The following ZC3H7A variants were observed in gnomAD, a reference collection of about 807,000 sequenced individuals.
ZC3H7A encodes zinc finger CCCH domain-containing protein 7A.
A neutral mutation model predicts 125.5 loss-of-function variants in ZC3H7A; 44 were observed. The ratio of observed to expected loss-of-function variants is 0.35; its 90% CI spans 0.28 to 0.45. The LOEUF (loss-of-function observed/expected upper bound fraction) is 0.45. Ranked by LOEUF, ZC3H7A falls within the 20% of genes least tolerant of loss-of-function variation. The probability of loss-of-function intolerance (pLI) is 1.00; values close to 1 mark genes in which losing one functional copy is unlikely to be tolerated. For missense variants in ZC3H7A, 977 were observed against 1,170.7 expected (o/e 0.83, Z 2.41); for synonymous variants, 399 against 391.2 (o/e 1.02, Z -0.23).
intron 9 of ZC3H7A, among the ~76,000 whole-genome samples, chr16:11,771,680 T>C (rs1045262946): frequency 2.6e-5 from 4 of 151,942 alleles, no homozygotes; most frequent in Admixed American, 6.5e-5. Context: ...TTTGTATTTT[T>C]AGTAGAGATG....
chr16:11,781,286 A>C, intron 3 of ZC3H7A, 139 bp downstream of exon 3: 1 of 676,696 alleles, frequency 1.5e-6, no homozygotes, highest in East Asian at 3.1e-5. Context: ...TTTGCAAAAA[A>C]ATAAAATAAA....
intron 19 of ZC3H7A, chr16:11,759,471 A>G (rs1479414691): frequency 6.6e-6 from 1 of 152,034 alleles, no homozygotes; most frequent in Non-Finnish European, 1.5e-5. Flanking sequence ...CAGTGACCCC[A>G]CCCTTAAAAT....
Position 11,765,490 on chromosome 16 carries a change from T to G in ZC3H7A, c.1718A>C (p.Glu573Ala), listed in dbSNP as rs1197847246. The G allele has an allele frequency of 6.2e-7, 1 of 1,611,404 alleles. No homozygotes were observed. The highest frequency in any genetic ancestry group is 1.1e-5 in the South Asian group (1 of 90,690). The stretch of plus-strand genomic sequence containing the variant: ...GAAAATAAGTTTTGGAGAACACACC[T>G]CACAAAGGAATATAAATTCCCCAAG... Reference protein sequence around the residue: ...EHLGEFIFLCEKCFDHKPRMI... With the variant: ...EHLGEFIFLCAKCFDHKPRMI... The change falls in exon 14 of 23, where the codon GAG (glutamate) becomes GCG (alanine). Residue 573 changes from glutamate to alanine, a missense_variant and splice_region_variant. Glu to Ala is a moderately radical substitution (Grantham distance 107). Around this residue, in one of 3 missense-constraint regions of ZC3H7A, gnomAD observed 436 missense variants for 603.2 expected, o/e 0.72. Transcript: ENST00000355758. This position sits in a 1 kb window ranked among gnomAD's most constrained non-coding sequence, Gnocchi z 4.8.
chr16:11,770,494 A>G (rs1273361893), intron 10 of ZC3H7A, among the ~76,000 whole-genome samples: 2 of 152,216 alleles, frequency 1.3e-5, no homozygotes, highest in Admixed American at 6.5e-5. Context: ...ACGGGAGAAT[A>G]CATTGTCATT....
intron 4 of ZC3H7A, among the ~76,000 whole-genome samples, chr16:11,778,896 T>C (rs2053128303): frequency 6.6e-6 from 1 of 152,010 alleles, no homozygotes; most frequent in African/African-American, 2.4e-5. Context: ...TTATTTTTAG[T>C]AGAGACGGGG....
At chr16:11,756,181 AG>A in intron 21 of ZC3H7A, 55 bp downstream of exon 21, 2 of 1,566,032 alleles carry the variant, frequency 1.3e-6, no homozygotes, top group Non-Finnish European at 1.7e-6. Flanking sequence ...AAAAGGGAAA[AG>A]AAAGGCTCCA....
intron 18 of ZC3H7A, 110 bp downstream of exon 18, chr16:11,761,800 A>C: frequency 7.0e-7 from 1 of 1,437,522 alleles, no homozygotes; most frequent in Non-Finnish European, 9.4e-7. Flanking sequence ...TAAATTATCT[A>C]TTTTTCTCTC....
intron 20 of ZC3H7A, among the ~76,000 whole-genome samples, chr16:11,756,856 A>G (rs1197984279): frequency 6.6e-6 from 1 of 152,168 alleles, no homozygotes; most frequent in Non-Finnish European, 1.5e-5. Context: ...ATGGGAGTCC[A>G]TCAGTCAAGC....
At chr16:11,786,573 CAAGT>C (rs1479580043) in intron 1 of ZC3H7A, among the ~76,000 whole-genome samples, 3 of 152,198 alleles carry the variant, frequency 2.0e-5, no homozygotes, top group South Asian at 2.1e-4. Context: ...GCTGACACCA[CAAGT>C]AAGTGATTGA....
At chr16:11,782,580 T>A (rs2053189843) in intron 1 of ZC3H7A, 192 bp from the exon 2 acceptor site, 16 of 363,350 alleles carry the variant, frequency 4.4e-5, no homozygotes, top group Middle Eastern at 5.0e-4. Context: ...CGGCACACCA[T>A]AAGCACACCG....
intron 7 of ZC3H7A, 39 bp downstream of exon 7, chr16:11,776,281 T>TA (rs34393518): frequency 0.29 from 438,820 of 1,515,482 alleles, 56,806 homozygotes; most frequent in East Asian, 0.45. Flanking sequence ...TCCTTCCCTT[T>TA]AAAAAAAAAT....
chr16:11,752,537 G>T (rs566619183), intron 22 of ZC3H7A, 132 bp downstream of exon 22: 430 of 1,157,006 alleles, frequency 3.7e-4, no homozygotes, highest in Non-Finnish European at 4.9e-4. Context: ...CAAAACCCAA[G>T]AATCCTTCAG....
chr16:11,764,976 C>T (rs2052829941), intron 15 of ZC3H7A, 77 bp downstream of exon 15: 1 of 972,278 alleles, frequency 1.0e-6, no homozygotes, highest in African/African-American at 1.7e-5. Context: ...CCTGGACAGA[C>T]ATTACTACTA....
intron 9 of ZC3H7A, among the ~76,000 whole-genome samples, chr16:11,772,756 G>C (rs2053008545): frequency 6.6e-6 from 1 of 151,110 alleles, no homozygotes; most frequent in Admixed American, 6.6e-5. Flanking sequence ...GAGTGCAGTG[G>C]CATGATCTTG....
At chr16:11,755,920 T>C (rs1380832374) in intron 21 of ZC3H7A, among the ~76,000 whole-genome samples, 1 of 151,996 alleles carries the variant, frequency 6.6e-6, no homozygotes, top group African/African-American at 2.4e-5. Flanking sequence ...ATCCCAGCAC[T>C]TTGGGAGGCC....
intron 1 of ZC3H7A, among the ~76,000 whole-genome samples, chr16:11,795,443 C>T (rs1382043389): frequency 2.7e-5 from 4 of 150,662 alleles, no homozygotes; most frequent in Non-Finnish European, 5.9e-5. Flanking sequence ...TATGTATGTA[C>T]GCATGTATGT....
At chr16:11,767,887 CTTGAT>C (rs1567380150) in intron 12 of ZC3H7A, among the ~76,000 whole-genome samples, 1 of 152,146 alleles carries the variant, frequency 6.6e-6, no homozygotes, top group Non-Finnish European at 1.5e-5. Flanking sequence ...GTTTATGTCA[CTTGAT>C]TTAACGGTAA....
At chr16:11,781,208 T>C (rs950937383) in intron 3 of ZC3H7A, among the ~76,000 whole-genome samples, 7 of 152,166 alleles carry the variant, frequency 4.6e-5, no homozygotes, top group South Asian at 4.1e-4. Flanking sequence ...AAAACTACCA[T>C]ATGTTGCAAA....
At chr16:11,757,319 C>T (rs915003824) in intron 20 of ZC3H7A, among the ~76,000 whole-genome samples, 2 of 151,710 alleles carry the variant, frequency 1.3e-5, no homozygotes, top group African/African-American at 4.8e-5. Context: ...CCCGGCTCTA[C>T]TAAAAATACA....
Sources: allele counts gnomAD v4.1 joint callset (sites outside exome capture counted in the v4.1 genomes callset), GRCh38; gene constraint gnomAD v4.1.1; regional missense constraint gnomAD v4.1.1; non-coding constraint Gnocchi (gnomAD v3.1); transcripts MANE v1.5; gene names NCBI Gene and HGNC (gene_info 2026-07-23, HGNC 2026-07-21).